Variants in CCDC149 observed in about 807,000 individuals in gnomAD.
CCDC149 encodes the protein coiled-coil domain-containing protein 149.
A neutral mutation model predicts 59.9 loss-of-function variants in CCDC149; 45 were observed. The observed-to-expected ratio is 0.75, with a 90% CI of 0.59 to 0.96. CCDC149 has a LOEUF of 0.96. CCDC149 is among the 40% of genes least tolerant of loss of function. CCDC149 has a pLI of 0.00. For missense variants in CCDC149, 584 were observed against 664.7 expected, an observed-to-expected ratio of 0.88 and a Z score of 1.33; for synonymous variants, 245 against 260.6, an observed-to-expected ratio of 0.94 and a Z score of 0.58.
At chr4:24,972,043 A>G (rs371711155) in intron 1 of CCDC149, among the ~76,000 whole-genome samples, 2 of 152,270 alleles carry the variant, frequency 1.3e-5, no homozygotes, top group African/African-American at 4.8e-5. Context: ...ACACATATCA[A>G]TCGGTCCCTT....
intron 1 of CCDC149, among the ~76,000 whole-genome samples, chr4:24,958,295 G>A (rs752502533): frequency 2.6e-5 from 4 of 152,140 alleles, no homozygotes; most frequent in Non-Finnish European, 4.4e-5. Flanking sequence ...CTTTGGAAAC[G>A]GCAGTGCTTT....
At chr4:24,951,627 C>T (rs187840015) in intron 1 of CCDC149, among the ~76,000 whole-genome samples, 24 of 152,130 alleles carry the variant, frequency 1.6e-4, no homozygotes, top group East Asian at 1.4e-3. Flanking sequence ...ACAATTTATC[C>T]GACCAAATAC....
intron 4 of CCDC149, among the ~76,000 whole-genome samples, chr4:24,838,790 A>C (rs945939727): frequency 2.6e-5 from 4 of 151,510 alleles, no homozygotes; most frequent in Admixed American, 6.6e-5. Context: ...AAAAAAAAAA[A>C]CAAAAAAAAA....
intron 3 of CCDC149, among the ~76,000 whole-genome samples, chr4:24,854,022 T>C (rs1281614687): frequency 6.6e-6 from 1 of 152,164 alleles, no homozygotes; most frequent in Non-Finnish European, 1.5e-5. Flanking sequence ...CCGGTCTCCA[T>C]GGCCAGTCCA....
rs970108659 is a variant in CCDC149 at position 24,853,134 on chromosome 4, G to A, written c.310C>T (p.His104Tyr). The A allele has an allele frequency of 1.2e-6, 2 of 1,613,762 alleles. No homozygotes were observed. Among genetic ancestry groups the A allele is most frequent in the East Asian group, 2.2e-5 (1 of 44,878 alleles). The stretch of plus-strand genomic sequence containing the variant: ...AGTTCTTTAATTTCTTCTCCCAGAT[G>A]TTTATTTCGGTCCTGAGAATCTCTC... The change falls in exon 4 of 13, where the codon CAT becomes TAT. Residue 104 changes from histidine to tyrosine, a missense_variant. Physicochemically the swap from His to Tyr is moderately conservative, Grantham distance 83 (BLOSUM62 2). Coordinates refer to ENST00000635206, the MANE Select transcript of CCDC149 (RefSeq NM_001330643.2).
chr4:24,850,654 G>T (rs1034461306), intron 4 of CCDC149, among the ~76,000 whole-genome samples: 2 of 152,124 alleles, frequency 1.3e-5, no homozygotes, highest in African/African-American at 4.8e-5. Context: ...TGATCATGGA[G>T]GCCTAGGCAC....
intron 3 of CCDC149, among the ~76,000 whole-genome samples, chr4:24,864,337 C>T (rs1467237310): frequency 1.3e-5 from 2 of 152,208 alleles, no homozygotes; most frequent in Non-Finnish European, 2.9e-5. Context: ...AATAATGCCA[C>T]TATTGTAGAA....
intron 3 of CCDC149, among the ~76,000 whole-genome samples, chr4:24,862,632 G>A (rs908985371): frequency 2.6e-5 from 4 of 152,146 alleles, no homozygotes; most frequent in Non-Finnish European, 5.9e-5. Context: ...AACCTCTTGG[G>A]CCCTGTTGGA....
At chr4:24,881,299 G>T (rs1352752740) in intron 1 of CCDC149, among the ~76,000 whole-genome samples, 1 of 152,168 alleles carries the variant, frequency 6.6e-6, no homozygotes, top group African/African-American at 2.4e-5. Flanking sequence ...TTGCTTTTGG[G>T]TAAAGCAGAA....
At chr4:24,951,659 T>C (rs1317734031) in intron 1 of CCDC149, among the ~76,000 whole-genome samples, 2 of 152,198 alleles carry the variant, frequency 1.3e-5, no homozygotes. Context: ...CAAATGCACC[T>C]GTGATAGTGA....
upstream of CCDC149, among the ~76,000 whole-genome samples, chr4:24,914,502 A>G (rs1722063694): frequency 6.6e-6 from 1 of 152,162 alleles, no homozygotes; most frequent in Non-Finnish European, 1.5e-5. Flanking sequence ...CTTGCTGGTT[A>G]AGGTAGGATT....
At chr4:24,977,212 G>A in intron 1 of CCDC149, among the ~76,000 whole-genome samples, 1 of 152,292 alleles carries the variant, frequency 6.6e-6, no homozygotes, top group South Asian at 2.1e-4. Context: ...CCATCAATGA[G>A]CTCCTTCCCC....
At chr4:24,951,300 C>CTT (rs1723284007) in intron 1 of CCDC149, among the ~76,000 whole-genome samples, 1 of 152,212 alleles carries the variant, frequency 6.6e-6, no homozygotes, top group Non-Finnish European at 1.5e-5. Flanking sequence ...TTTTTGGAAG[C>CTT]TTTTAAACTT....
chr4:24,879,256 C>G (rs1288489440), intron 1 of CCDC149, among the ~76,000 whole-genome samples: 1 of 152,104 alleles, frequency 6.6e-6, no homozygotes, highest in Non-Finnish European at 1.5e-5. Context: ...TGGCTCATGC[C>G]TGTAATCCCA....
At chr4:24,848,938 C>G (rs1285653686) in intron 4 of CCDC149, among the ~76,000 whole-genome samples, 1 of 152,198 alleles carries the variant, frequency 6.6e-6, no homozygotes, top group Non-Finnish European at 1.5e-5. Context: ...CAACCGAGAG[C>G]TGCACTAACC....
chr4:24,835,172 C>A, intron 7 of CCDC149, 140 bp from the exon 8 acceptor site: 1 of 568,702 alleles, frequency 1.8e-6, no homozygotes, highest in East Asian at 2.8e-5. Context: ...AATTCCAAGT[C>A]TACGCCCAAG....
chr4:24,940,304 A>G (rs1030057690), intron 1 of CCDC149, among the ~76,000 whole-genome samples: 22 of 152,250 alleles, frequency 1.4e-4, no homozygotes, highest in African/African-American at 4.8e-4. Context: ...TAAGCTTCAT[A>G]AGTGAAGGAG....
chr4:24,950,150 G>A (rs1723242772), intron 1 of CCDC149, among the ~76,000 whole-genome samples: 1 of 152,200 alleles, frequency 6.6e-6, no homozygotes, highest in Non-Finnish European at 1.5e-5. Flanking sequence ...AGCCTCATGA[G>A]GTGGCAGAGA....
intron 1 of CCDC149, among the ~76,000 whole-genome samples, chr4:24,910,453 G>T (rs951111768): frequency 1.3e-5 from 2 of 152,088 alleles, no homozygotes; most frequent in Non-Finnish European, 2.9e-5. Context: ...TGGGGAGGTG[G>T]GGGGAGCAGG....
Sources: allele counts gnomAD v4.1 joint callset (sites outside exome capture counted in the v4.1 genomes callset), GRCh38; gene constraint gnomAD v4.1.1; transcripts MANE v1.5; gene names NCBI Gene and HGNC (gene_info 2026-07-23, HGNC 2026-07-21).